Variants in GRM6 observed in about 807,000 individuals in gnomAD.
GRM6 encodes metabotropic glutamate receptor 6.
A neutral mutation model predicts 78.4 loss-of-function variants in GRM6; 73 were observed. The observed-to-expected ratio is 0.93, with a 90% CI of 0.77 to 1.13. GRM6 has a LOEUF of 1.13. GRM6 is among the 50% of genes most tolerant of loss of function. GRM6 has a pLI of 0.00. For missense variants in GRM6, 1,251 were observed against 1,256.4 expected (o/e 1.00, Z 0.07); for synonymous variants, 580 against 555.0 (o/e 1.05, Z -0.63).
At chr5:178,982,232 C>T (rs1221986873) in intron 10 of GRM6, among the ~76,000 whole-genome samples, 3 of 152,110 alleles carry the variant, frequency 2.0e-5, no homozygotes, top group Admixed American at 6.5e-5. Flanking sequence ...CTGCCGCATA[C>T]GTGAATAAAT....
rs1396373894 is a variant in GRM6, at chr5:178,994,580, T to A, written c.365A>T (p.Asp122Val). ...GCAGCGCACGCCCACCTCGTCGCCGTCGCCGCGGCCGCGGATCAGCGCCTG... is the reference window on the plus strand; with the variant it reads ...GCAGCGCACGCCCACCTCGTCGCCGACGCCGCGGCCGCGGATCAGCGCCTG... ...FVQALIRGRG[D>V]GDEVGVRCPG... Residue 122 changes from aspartate (D) to valine (V), a missense_variant, in exon 2 of 11, where the codon GAC becomes GTC. Asp to Val is a radical substitution (Grantham distance 152). Transcript: ENST00000517717. 7.5e-7 allele frequency: 1 copy of A among 1,335,680 alleles called. No homozygotes were observed. Among genetic ancestry groups the A allele is most frequent in the Admixed American group, 3.7e-5 (1 of 26,966 alleles). 82.7% of individuals were successfully genotyped at this position (1,335,680 alleles called of 1,614,324 possible).
At chr5:178,989,468 C>G in intron 5 of GRM6, 63 bp from the exon 6 acceptor site, 1 of 1,604,576 alleles carries the variant, frequency 6.2e-7, no homozygotes, top group Non-Finnish European at 8.5e-7. Flanking sequence ...TCTCCTGTGT[C>G]TCTCTGCCAC....
Position 178,986,437 on chromosome 5 carries a change from G to A in GRM6, c.1817C>T (p.Thr606Ile). The A allele has an allele frequency of 6.2e-7, 1 of 1,613,384 alleles. No homozygotes were observed. Among genetic ancestry groups the A allele is most frequent in the Non-Finnish European group, 8.5e-7 (1 of 1,179,944 alleles). ...GGGCGTGTTGTTGTACCGCACGAAG[G>A]TGGCCACCACCGTGGTAGTGGCCAC... Reference protein sequence around the residue: ...GIVATTTVVATFVRYNNTPIV... With the variant: ...GIVATTTVVAIFVRYNNTPIV... The change falls in exon 9 of 11, where the codon ACC becomes ATC. Residue 606 changes from threonine to isoleucine, a missense_variant. Transcript: ENST00000517717.
Position 178,994,893 on chromosome 5 carries a change from G to A in GRM6, c.52C>T (p.Leu18=), listed in dbSNP as rs1390795419. 8.3e-7 allele frequency: 1 copy of A among 1,210,598 alleles called. No homozygotes were observed. Among genetic ancestry groups the A allele is most frequent in the Non-Finnish European group, 1.0e-6 (1 of 972,220 alleles). The allele number at this position is 1,210,598 out of a possible 1,614,324, so 75.0% of individuals were successfully genotyped here. A position where few individuals can be genotyped will look rare whatever the true frequency, so the allele number is the denominator to read the frequency against. Residue 18 remains leucine, a synonymous_variant, in exon 2 of 11, where the codon CTG becomes TTG. Coordinates refer to ENST00000517717, the MANE Select transcript of GRM6 (RefSeq NM_000843.4). ...AGGCCCGCCTGCGCCAGCCACGCCA[G>A]CGGCAGCAGCGCCACGAGCAGCGGC... The part of the protein sequence containing the change: ...REPLLVALLP[L]AWLAQAGLAR...
intron 2 of GRM6, 147 bp downstream of exon 2, chr5:178,994,294 A>G: frequency 1.5e-6 from 1 of 674,186 alleles, no homozygotes; most frequent in Non-Finnish European, 2.2e-6. Context: ...GTCGGGCTCA[A>G]CTGACAGGGC....
In GRM6 at chr5:178,992,532, A is replaced by AG. The variant is rs755843302; in HGVS notation, c.505-450dup. The AG allele has an allele frequency of 2.5e-5, 8 of 324,434 alleles. No individual in the cohort carries two copies. Among genetic ancestry groups the AG allele is most frequent in the Non-Finnish European group, 4.9e-5 (8 of 162,558 alleles). The allele number at this position is 324,434 out of a possible 1,614,324, so 20.1% of individuals were successfully genotyped here. ...AGCCCTAGGAGGGATTAGGGCAGAC[A>AG]GGGGAGCAGCAGGGGATGTTCCATT... On this transcript the variant is annotated intron_variant, in intron 2 of 10. Coordinates refer to ENST00000517717, the MANE Select transcript of GRM6 (RefSeq NM_000843.4). The surrounding 1 kb of genome is among the most constrained non-coding windows in gnomAD (Gnocchi z 4.9).
In GRM6 at chr5:178,992,016, G is replaced by T. The variant is rs1561720899; in HGVS notation, c.572C>A (p.Ser191Tyr). The T allele has an allele frequency of 1.9e-6, 3 of 1,614,122 alleles. No individual in the cohort carries two copies. Among genetic ancestry groups the T allele is most frequent in the South Asian group, 2.2e-5 (2 of 91,082 alleles). ...LSDSTRYDFFSRVVPPDSYQA... is the reference protein window; with the variant it reads ...LSDSTRYDFFYRVVPPDSYQA... Reference sequence around the variant, plus strand: ...GTAGGAGTCGGGTGGCACCACCCGGGAGAAGAAGTCATAGCGTGTGGAGTC... The same window carrying T: ...GTAGGAGTCGGGTGGCACCACCCGGTAGAAGAAGTCATAGCGTGTGGAGTC... Residue 191 changes from serine to tyrosine, a missense_variant, in exon 3 of 11, where the codon TCC becomes TAC. By Grantham distance (144) the Ser-to-Tyr change is moderately radical. Transcript: ENST00000517717. The surrounding 1 kb of genome is among the most constrained non-coding windows in gnomAD (Gnocchi z 4.9).
In GRM6 at chr5:178,986,168, A is replaced by G; in HGVS notation, c.2086T>C (p.Ser696Pro). The change falls in exon 9 of 11, where the codon TCA becomes CCA. Residue 696 changes from serine (S) to proline (P), a missense_variant. Coordinates refer to ENST00000517717, the MANE Select transcript of GRM6 (RefSeq NM_000843.4). ...VTPPPFISPT[S>P]QLVITFSLTS... is the part of the protein sequence containing the mutation. ...AGGCTGAAGGTGATGACCAGCTGTGAGGTGGGGCTGATGAAGGGAGGGGGT... is the reference window on the plus strand; with the variant it reads ...AGGCTGAAGGTGATGACCAGCTGTGGGGTGGGGCTGATGAAGGGAGGGGGT... 2 of 1,613,908 alleles carry G rather than the reference A, an allele frequency of 1.2e-6. No homozygotes were observed. Among genetic ancestry groups the G allele is most frequent in the Non-Finnish European group, 8.5e-7 (1 of 1,179,848 alleles).
chr5:178,979,387 T>C lies in GRM6; in HGVS notation c.*2270A>G, dbSNP rs7725272. 0.24 allele frequency: 36,631 copies of C among 152,174 alleles called. 5,044 individuals carry two copies. Among genetic ancestry groups the C allele is most frequent in the Non-Finnish European group, 0.31 (21,218 of 68,014 alleles). The allele number at this position is 152,174 out of a possible 1,614,324, so 9.4% of individuals were successfully genotyped here. ...AGAAACCTTGTGAAGGTACTAAATA[T>C]GACAACATCTTCAGTAACAGAGGAT... On this transcript the variant is annotated 3_prime_UTR_variant, in exon 11 of 11. Coordinates refer to ENST00000517717, the MANE Select transcript of GRM6 (RefSeq NM_000843.4).
chr5:178,987,493 T>A (rs1376342539), intron 7 of GRM6: 3 of 455,466 alleles, frequency 6.6e-6, no homozygotes, highest in Non-Finnish European at 1.3e-5. Context: ...AGGAAGGCAG[T>A]TCTGACCCAT....
chr5:178,985,627 C>T lies in GRM6; in HGVS notation c.2124+503G>A, dbSNP rs373118874. Reference sequence around the variant, plus strand: ...CTGAGGCAGGAGAATGGCGTGAACCCGGAAGGCAGAGCTTGCAGGGAGCTG... The same window carrying T: ...CTGAGGCAGGAGAATGGCGTGAACCTGGAAGGCAGAGCTTGCAGGGAGCTG... On this transcript the variant is annotated intron_variant, in intron 9 of 10. Transcript: ENST00000517717. 2.0e-3 allele frequency: 743 copies of T among 368,170 alleles called. 3 individuals are homozygous for T. The highest frequency in any genetic ancestry group is 4.9e-3 in the South Asian group (240 of 49,236). 22.8% of individuals were successfully genotyped at this position (368,170 alleles called of 1,614,324 possible).
Position 178,992,901 on chromosome 5 carries a change from A to G in GRM6, c.505-818T>C, listed in dbSNP as rs928474808. Among the ~76,000 whole-genome samples the G allele has an allele frequency of 1.3e-5, 2 of 151,916 alleles. No homozygotes were observed. Among genetic ancestry groups the G allele is most frequent in the African/African-American group, 4.8e-5 (2 of 41,340 alleles). On this transcript the variant is annotated intron_variant, in intron 2 of 10. Transcript: ENST00000517717. The surrounding 1 kb of genome is among the most constrained non-coding windows in gnomAD (Gnocchi z 4.9). ...AGGGAAGGTGGGGCTGGAGAGAAAC[A>G]AGAAGGAGAGAGGGAGAGAGAGAGA...
Position 178,990,576 on chromosome 5 carries a change from G to A in GRM6, c.1012+16C>T. ...GGAGACGTGTGGGGTGGGGGATGGA[G>A]TGCCCCTGGACTCACCGTCGATGGA... On this transcript the variant is annotated intron_variant, in intron 5 of 10. Coordinates refer to ENST00000517717, the MANE Select transcript of GRM6 (RefSeq NM_000843.4). 6.2e-7 allele frequency: 1 copy of A among 1,606,010 alleles called. No individual in the cohort carries two copies. The highest frequency in any genetic ancestry group is 8.5e-7 in the Non-Finnish European group (1 of 1,173,590).
chr5:178,988,635 G>A lies in GRM6; in HGVS notation c.1354+300C>T, dbSNP rs111663978. Among the ~76,000 whole-genome samples, 3 of 152,332 alleles carry A rather than the reference G, an allele frequency of 2.0e-5. No homozygotes were observed. The highest frequency in any genetic ancestry group is 4.8e-5 in the African/African-American group (2 of 41,584). On this transcript the variant is annotated intron_variant, in intron 7 of 10. Transcript: ENST00000517717. This position sits in a 1 kb window ranked among gnomAD's most constrained non-coding sequence, Gnocchi z 6.0. ...CAGGGTCCAGATGCCCTCAAGCTCT[G>A]CGCAGTGGAGGGGAGTGTGGTGTGA... is the stretch of plus-strand genomic sequence containing the variant.
intron 10 of GRM6, 41 bp downstream of exon 10, chr5:178,982,869 G>C: frequency 7.1e-7 from 1 of 1,408,526 alleles, no homozygotes; most frequent in South Asian, 1.1e-5. Flanking sequence ...CAGCCTGACA[G>C]GCAGGAAACA....
At chr5:178,989,238 ACCCT>A in intron 6 of GRM6, 23 bp downstream of exon 6, 2 of 1,127,990 alleles carry the variant, frequency 1.8e-6, no homozygotes, top group Non-Finnish European at 1.2e-6. Flanking sequence ...CACCCTCCCC[ACCCT>A]CACCACCCTG....
rs1043341984 is a variant in GRM6 at position 178,988,839 on chromosome 5, C to T, written c.1354+96G>A. The stretch of plus-strand genomic sequence containing the variant: ...ACCCCCATTAGACCACTCAGCCTCA[C>T]CCAGCCCTTCCACCCTGAGGTTGTC... On this transcript the variant is annotated intron_variant, in intron 7 of 10. Coordinates refer to ENST00000517717, the MANE Select transcript of GRM6 (RefSeq NM_000843.4). The surrounding 1 kb of genome is among the most constrained non-coding windows in gnomAD (Gnocchi z 6.0). The T allele has an allele frequency of 9.9e-7, 1 of 1,012,888 alleles. No individual in the cohort carries two copies. The highest frequency in any genetic ancestry group is 1.5e-6 in the Non-Finnish European group (1 of 661,654). 62.7% of individuals were successfully genotyped at this position (1,012,888 alleles called of 1,614,324 possible). A position where few individuals can be genotyped will look rare whatever the true frequency, so the allele number is the denominator to read the frequency against.
chr5:178,984,252 C>T (rs1177211115), intron 9 of GRM6, among the ~76,000 whole-genome samples: 2 of 151,160 alleles, frequency 1.3e-5, no homozygotes, highest in African/African-American at 4.8e-5. Context: ...CCAAAACGGC[C>T]CACAGATGCC....
rs1160474984 is a variant in GRM6, at chr5:178,994,585, G to A, written c.360C>T (p.Arg120=). 5.2e-6 allele frequency: 7 copies of A among 1,341,610 alleles called. No individual in the cohort carries two copies. Among genetic ancestry groups the A allele is most frequent in the Non-Finnish European group, 5.7e-6 (6 of 1,050,408 alleles). 83.1% of individuals were successfully genotyped at this position (1,341,610 alleles called of 1,614,324 possible). The change falls in exon 2 of 11, where the codon CGC becomes CGT. Residue 120 remains arginine (R), a synonymous_variant. Transcript: ENST00000517717. Reference sequence around the variant, plus strand: ...GCACGCCCACCTCGTCGCCGTCGCCGCGGCCGCGGATCAGCGCCTGCACGA... The same window carrying A: ...GCACGCCCACCTCGTCGCCGTCGCCACGGCCGCGGATCAGCGCCTGCACGA... The part of the protein sequence containing the change: ...LSFVQALIRG[R]GDGDEVGVRC...
Sources: gnomAD v4.1 joint callset for allele counts (sites outside exome capture counted in the v4.1 genomes callset) on GRCh38, gnomAD v4.1.1 for gene constraint, Gnocchi (gnomAD v3.1) non-coding constraint, MANE v1.5 for transcripts, NCBI Gene and HGNC (gene_info 2026-07-23, HGNC 2026-07-21) for gene names.